LRCH3: variants seen among roughly 807,000 people sequenced by gnomAD.
The protein encoded by LRCH3 is leucine rich repeats and calponin homology domain containing 3, also known as DISP complex protein LRCH3.
Under a neutral mutation model 104.5 loss-of-function variants are expected in LRCH3, and 68 were observed. That is an observed-to-expected ratio of 0.65 (90% CI 0.54 to 0.80). The LOEUF is 0.80. Ranked by LOEUF, LRCH3 falls within the 30% of genes least tolerant of loss-of-function variation. LRCH3 has a pLI of 0.00. For missense variants in LRCH3, 951 were observed against 953.9 expected (o/e 1.00, Z 0.04); for synonymous variants, 344 against 361.3 (o/e 0.95, Z 0.54).
At chr3:197,879,357 CA>C (rs1262444960) in intron 20 of LRCH3, among the ~76,000 whole-genome samples, 2 of 152,160 alleles carry the variant, frequency 1.3e-5, no homozygotes, top group Non-Finnish European at 2.9e-5. Context: ...TTAAAATAGA[CA>C]CCCCCTGGCC....
intron 10 of LRCH3, among the ~76,000 whole-genome samples, chr3:197,846,988 G>A (rs528371725): frequency 6.6e-6 from 1 of 152,278 alleles, no homozygotes; most frequent in East Asian, 1.9e-4. Flanking sequence ...AAGAGCAGGT[G>A]TGCTTTATAA....
intron 15 of LRCH3, among the ~76,000 whole-genome samples, chr3:197,861,931 C>T (rs1335480501): frequency 2.0e-5 from 3 of 152,194 alleles, no homozygotes; most frequent in East Asian, 1.9e-4. Context: ...CATTTTTACA[C>T]GTCTCCTCTC....
Position 197,810,019 on chromosome 3 carries a change from G to C in LRCH3, c.263-4889G>C, listed in dbSNP as rs1022715967. Reference sequence around the variant, plus strand: ...TTTAGGATCCCCACGTAACCTTTGAGTAGGGGTGAGGCTACTCAAAGGTTG... The same window carrying C: ...TTTAGGATCCCCACGTAACCTTTGACTAGGGGTGAGGCTACTCAAAGGTTG... On this transcript the variant is annotated intron_variant, in intron 1 of 20. Coordinates refer to ENST00000425562, the MANE Select transcript of LRCH3 (RefSeq NM_001365715.1). The surrounding 1 kb of genome is among the most constrained non-coding windows in gnomAD (Gnocchi z 4.0). 6.6e-6 allele frequency among the ~76,000 whole-genome samples: 1 copy of C among 152,120 alleles called. No homozygotes were observed. The highest frequency in any genetic ancestry group is 2.4e-5 in the African/African-American group (1 of 41,414).
rs1302434134 is a variant in LRCH3 at position 197,844,615 on chromosome 3, G to C, written c.1329-2794G>C. On this transcript the variant is annotated intron_variant, in intron 10 of 20. Transcript: ENST00000425562. ...TGAATAACATCACTTACTGCTCATA[G>C]GTTTTTTGTTTTTTTTTTTCCCAGA... 2.8e-5 allele frequency among the ~76,000 whole-genome samples: 4 copies of C among 143,578 alleles called. No individual in the cohort carries two copies. In the South Asian group the frequency reaches 6.6e-4, roughly 24 times the overall value. 94.2% of individuals were successfully genotyped at this position (143,578 alleles called of 152,430 possible).
rs747475176 is a variant in LRCH3 at position 197,847,900 on chromosome 3, A to G, written c.1409A>G (p.Gln470Arg). The stretch of plus-strand genomic sequence containing the variant: ...TCACACACAGACCTGGAACTTCATC[A>G]GAGAAGGGAGCAGTTAGTAGAGCGC... ...QLSHTDLELHQRREQLVERTR... is the reference protein window; with the variant it reads ...QLSHTDLELHRRREQLVERTR... The change falls in exon 12 of 21, where the codon CAG (glutamine) becomes CGG (arginine). Residue 470 changes from glutamine to arginine, a missense_variant. Coordinates refer to ENST00000425562, the MANE Select transcript of LRCH3 (RefSeq NM_001365715.1). 6.2e-7 allele frequency: 1 copy of G among 1,614,106 alleles called. No homozygotes were observed. Among genetic ancestry groups the G allele is most frequent in the South Asian group, 1.1e-5 (1 of 91,080 alleles).
chr3:197,850,882 G>A, intron 12 of LRCH3: 1 of 896,300 alleles, frequency 1.1e-6, no homozygotes, highest in Non-Finnish European at 1.9e-6. Flanking sequence ...TTCTTAAAGT[G>A]AACACGAAGA....
Position 197,880,080 on chromosome 3 carries a change from G to A in LRCH3, c.2209-3461G>A, listed in dbSNP as rs560955420. Among the ~76,000 whole-genome samples the A allele has an allele frequency of 1.6e-3, 244 of 151,208 alleles. 2 individuals carry two copies. The highest frequency in any genetic ancestry group is 3.4e-3 in the Middle Eastern group (1 of 292). ...CCTGCCTCAGCCTCCCGAGTAGCTGGGACTACAGGCGCCCGCCACCACGCC... is the reference window on the plus strand; with the variant it reads ...CCTGCCTCAGCCTCCCGAGTAGCTGAGACTACAGGCGCCCGCCACCACGCC... On this transcript the variant is annotated intron_variant, in intron 20 of 20. Transcript: ENST00000425562.
At chr3:197,833,495 G>A (rs924878199) in intron 8 of LRCH3, among the ~76,000 whole-genome samples, 1 of 146,870 alleles carries the variant, frequency 6.8e-6, no homozygotes, top group Non-Finnish European at 1.5e-5. Context: ...CCAAGATCAC[G>A]CCACTGCACT....
chr3:197,848,977 A>G (rs1452114268), intron 12 of LRCH3, among the ~76,000 whole-genome samples: 1 of 152,162 alleles, frequency 6.6e-6, no homozygotes, highest in Non-Finnish European at 1.5e-5. Flanking sequence ...AATGCAGGCA[A>G]ATCTGGCCGG....
intron 12 of LRCH3, 67 bp downstream of exon 12, chr3:197,848,088 C>A: frequency 6.5e-7 from 1 of 1,546,502 alleles, no homozygotes; most frequent in East Asian, 2.3e-5. Flanking sequence ...TGGTCAGGCC[C>A]GTTGGTTTTT....
At chr3:197,878,121 G>A (rs760085828) in intron 20 of LRCH3, among the ~76,000 whole-genome samples, 1 of 152,154 alleles carries the variant, frequency 6.6e-6, no homozygotes, top group Non-Finnish European at 1.5e-5. Context: ...GCATGGGTTG[G>A]TGCAGAGAAT....
intron 10 of LRCH3, among the ~76,000 whole-genome samples, chr3:197,846,389 AAAAAAAAAAAAC>A (rs368753245): frequency 3.3e-5 from 5 of 149,478 alleles, no homozygotes; most frequent in East Asian, 3.9e-4. Context: ...GGGCCACAAA[AAAAAAAAAAAAC>A]AAAAAAAAAA....
chr3:197,819,540 A>C (rs2109212876), intron 3 of LRCH3, among the ~76,000 whole-genome samples: 1 of 151,818 alleles, frequency 6.6e-6, no homozygotes, highest in East Asian at 1.9e-4. Context: ...ACATGATGAA[A>C]CCCCATCTCT....
chr3:197,817,340 G>T, intron 3 of LRCH3, 38 bp downstream of exon 3: 2 of 519,620 alleles, frequency 3.8e-6, no homozygotes, highest in Non-Finnish European at 5.2e-6. Context: ...ATGTGTGTGT[G>T]TGTGTCTGTG....
chr3:197,801,775 T>C (rs896514548), intron 1 of LRCH3, among the ~76,000 whole-genome samples: 1 of 152,240 alleles, frequency 6.6e-6, no homozygotes, highest in Admixed American at 6.5e-5. Context: ...AGCATCCATT[T>C]ACTATAGTTC....
intron 2 of LRCH3, among the ~76,000 whole-genome samples, chr3:197,815,408 C>T (rs1733689755): frequency 6.6e-6 from 1 of 152,180 alleles, no homozygotes; most frequent in Non-Finnish European, 1.5e-5. Flanking sequence ...TCTTCTAACA[C>T]AAGGCCTATT....
intron 19 of LRCH3, chr3:197,871,671 C>T (rs1712210605): frequency 1.8e-6 from 1 of 561,684 alleles, no homozygotes; most frequent in East Asian, 3.0e-5. Flanking sequence ...AAGGCATGTA[C>T]AGTGTGTGTT....
intron 12 of LRCH3, among the ~76,000 whole-genome samples, chr3:197,849,721 A>T (rs1484030245): frequency 6.6e-6 from 1 of 152,188 alleles, no homozygotes; most frequent in Admixed American, 6.5e-5. Flanking sequence ...CAATGTGGTC[A>T]TTTATAGTAC....
At chr3:197,872,157 G>A (rs903397722) in intron 19 of LRCH3, among the ~76,000 whole-genome samples, 1 of 152,000 alleles carries the variant, frequency 6.6e-6, no homozygotes, top group African/African-American at 2.4e-5. Flanking sequence ...AGGAGTTTGA[G>A]ACCAGCCAGG....
Sources: allele counts gnomAD v4.1 joint callset (sites outside exome capture counted in the v4.1 genomes callset), GRCh38; gene constraint gnomAD v4.1.1; non-coding constraint Gnocchi (gnomAD v3.1); transcripts MANE v1.5; gene names NCBI Gene and HGNC (gene_info 2026-07-23, HGNC 2026-07-21).